The following ANKRD44 variants were observed in gnomAD, a reference collection of about 807,000 sequenced individuals.
The protein encoded by ANKRD44 is ankyrin repeat domain 44, also known as serine/threonine-protein phosphatase 6 regulatory ankyrin repeat subunit B.
Under a neutral mutation model 116.0 loss-of-function variants are expected in ANKRD44, and 35 were observed. That is an observed-to-expected ratio of 0.30 (90% CI 0.23 to 0.40). The LOEUF is 0.40. Ranked by LOEUF, ANKRD44 falls within the 10% of genes least tolerant of loss-of-function variation. The pLI, the probability that ANKRD44 is intolerant of heterozygous loss-of-function variation, is 1.00. For synonymous variants in ANKRD44, 435 were observed against 461.8 expected (o/e 0.94, Z 0.74); for missense variants, 1,014 against 1,242.6 (o/e 0.82, Z 2.77).
chr2:197,075,753 G>C (rs74889030), intron 16 of ANKRD44, among the ~76,000 whole-genome samples: 3 of 152,116 alleles, frequency 2.0e-5, no homozygotes, highest in Non-Finnish European at 4.4e-5. Context: ...AAAACGGACT[G>C]AACACAAAGT....
chr2:197,181,360 T>C (rs1209781847), intron 2 of ANKRD44, among the ~76,000 whole-genome samples: 2 of 78,638 alleles, frequency 2.5e-5, no homozygotes, highest in Non-Finnish European at 5.2e-5. Context: ...TGAGGCATCG[T>C]TGTTAATTCT....
intron 2 of ANKRD44, among the ~76,000 whole-genome samples, chr2:197,177,283 C>A (rs2080388490): frequency 6.6e-6 from 1 of 151,886 alleles, no homozygotes; most frequent in Non-Finnish European, 1.5e-5. Flanking sequence ...ACTAATAATC[C>A]ATTTTCCATA....
At chr2:196,993,438 C>T (rs2075956291) in intron 27 of ANKRD44, 145 bp downstream of exon 27, 1 of 665,432 alleles carries the variant, frequency 1.5e-6, no homozygotes, top group Admixed American at 2.6e-5. Flanking sequence ...ACAAGTTATC[C>T]TTGCTTGATT....
intron 1 of ANKRD44, among the ~76,000 whole-genome samples, chr2:197,302,758 T>C (rs772483387): frequency 6.6e-6 from 1 of 152,220 alleles, no homozygotes; most frequent in Non-Finnish European, 1.5e-5. Context: ...TGATTACATG[T>C]AGGAATTTTC....
intron 1 of ANKRD44, among the ~76,000 whole-genome samples, chr2:197,229,511 G>C (rs1219171566): frequency 6.6e-6 from 1 of 152,112 alleles, no homozygotes; most frequent in Non-Finnish European, 1.5e-5. Context: ...AAGACTTAAT[G>C]AATTAAATAA....
At chr2:196,981,967 C>G (rs2075803863), downstream of ANKRD44, among the ~76,000 whole-genome samples, 1 of 151,470 alleles carries the variant, frequency 6.6e-6, no homozygotes, top group Admixed American at 6.6e-5. Context: ...CCTCCTGCCT[C>G]TGACCATTAT....
intron 1 of ANKRD44, among the ~76,000 whole-genome samples, chr2:197,275,249 A>T (rs2083041404): frequency 6.6e-6 from 1 of 151,690 alleles, no homozygotes; most frequent in Non-Finnish European, 1.5e-5. Context: ...TAAGTATCTG[A>T]GACTACAGGC....
chr2:197,136,488 A>G (rs1241870859), intron 4 of ANKRD44, 104 bp downstream of exon 4: 3 of 1,041,478 alleles, frequency 2.9e-6, no homozygotes, highest in Non-Finnish European at 4.4e-6. Flanking sequence ...CTTACATTAG[A>G]GGTAAAAGCC....
At chr2:197,308,121 T>C (rs1276374973) in intron 1 of ANKRD44, among the ~76,000 whole-genome samples, 3 of 148,894 alleles carry the variant, frequency 2.0e-5, no homozygotes, top group Admixed American at 6.7e-5. Flanking sequence ...TAGTGAGCCA[T>C]GATCATACTA....
intron 9 of ANKRD44, among the ~76,000 whole-genome samples, chr2:197,109,390 G>C (rs1206397670): frequency 6.6e-6 from 1 of 152,144 alleles, no homozygotes; most frequent in African/African-American, 2.4e-5. Context: ...GGTATTGCAC[G>C]GTTAATTTCT....
chr2:197,242,739 T>A (rs1275158414), intron 1 of ANKRD44, among the ~76,000 whole-genome samples: 1 of 152,182 alleles, frequency 6.6e-6, no homozygotes, highest in Non-Finnish European at 1.5e-5. Context: ...GGGACTTGAC[T>A]CACCTATCAA....
chr2:197,121,640 A>G, intron 7 of ANKRD44, 96 bp from the exon 8 acceptor site: 1 of 1,028,504 alleles, frequency 9.7e-7, no homozygotes, highest in Non-Finnish European at 1.5e-6. Flanking sequence ...GAGAAAGGAA[A>G]TAGCCATCCG....
At chr2:197,240,855 T>C (rs556124029) in intron 1 of ANKRD44, among the ~76,000 whole-genome samples, 2 of 150,394 alleles carry the variant, frequency 1.3e-5, no homozygotes, top group African/African-American at 4.9e-5. Flanking sequence ...TAAAAGTAAT[T>C]GTCTGCTCTT....
Position 197,013,565 on chromosome 2 carries a change from C to A in ANKRD44, c.1870G>T (p.Ala624Ser), listed in dbSNP as rs774090343. The A allele has an allele frequency of 1.2e-6, 2 of 1,614,164 alleles. No individual in the cohort carries two copies. Among genetic ancestry groups the A allele is most frequent in the Non-Finnish European group, 1.7e-6 (2 of 1,180,030 alleles). ...ACATTGTCTTTCACAAAGATGGATG[C>A]GCCCTGATTGATAAGCGCTTCCACA... ...ECVEALINQG[A>S]SIFVKDNVTK... Residue 624 changes from alanine (A) to serine (S), a missense_variant, in exon 18 of 28, where the codon GCA (alanine) becomes TCA (serine). Ala to Ser is a moderately conservative substitution (Grantham distance 99). Transcript: ENST00000282272.
intron 16 of ANKRD44, among the ~76,000 whole-genome samples, chr2:197,055,331 G>T (rs2077183075): frequency 6.6e-6 from 1 of 151,912 alleles, no homozygotes; most frequent in Non-Finnish European, 1.5e-5. Context: ...TATATGTTCT[G>T]TAGGAGTTCT....
At chr2:197,140,057 T>C (rs915830713) in intron 3 of ANKRD44, among the ~76,000 whole-genome samples, 2 of 149,588 alleles carry the variant, frequency 1.3e-5, no homozygotes, top group Non-Finnish European at 3.0e-5. Context: ...TTTTTTTTAT[T>C]TTTTAGTAGA....
At chr2:197,069,990 A>T (rs987920551) in intron 16 of ANKRD44, among the ~76,000 whole-genome samples, 1 of 151,890 alleles carries the variant, frequency 6.6e-6, no homozygotes, top group African/African-American at 2.4e-5. Context: ...ATTGACAGCA[A>T]TTTTTTGGGG....
intron 21 of ANKRD44, among the ~76,000 whole-genome samples, chr2:196,980,921 T>A (rs991490252): frequency 6.6e-6 from 1 of 152,258 alleles, no homozygotes; most frequent in Non-Finnish European, 1.5e-5. Context: ...TTAAATGTTC[T>A]CATTTATTTT....
chr2:197,069,249 T>A (rs746547559), intron 16 of ANKRD44, among the ~76,000 whole-genome samples: 1 of 149,080 alleles, frequency 6.7e-6, no homozygotes, highest in East Asian at 2.0e-4. Flanking sequence ...AATTGAACAA[T>A]GAGAAAACTT....
Sources: gnomAD v4.1 joint callset for allele counts (sites outside exome capture counted in the v4.1 genomes callset) on GRCh38, gnomAD v4.1.1 for gene constraint, MANE v1.5 for transcripts, NCBI Gene and HGNC (gene_info 2026-07-23, HGNC 2026-07-21) for gene names.